Variants in LCORL observed in about 807,000 individuals in gnomAD.
LCORL encodes ligand-dependent nuclear receptor corepressor-like protein.
A neutral mutation model predicts 141.8 loss-of-function variants in LCORL; 41 were observed. That is an observed-to-expected ratio of 0.29 (90% confidence interval 0.23 to 0.38). The LOEUF is 0.38. Among genes scored for constraint, LCORL ranks in the 10% least tolerant of loss-of-function variants. The pLI is 1.00. For missense variants in LCORL, 1,759 were observed against 2,035.0 expected, an observed-to-expected ratio of 0.86 and a Z score of 2.61; for synonymous variants, 618 against 694.1, an observed-to-expected ratio of 0.89 and a Z score of 1.72.
intron 1 of LCORL, among the ~76,000 whole-genome samples, chr4:17,989,911 G>A (rs1433784190): frequency 6.6e-6 from 1 of 152,032 alleles, no homozygotes; most frequent in African/African-American, 2.4e-5. Context: ...AATTCAGTTT[G>A]GTGTGGTTGC....
intron 1 of LCORL, among the ~76,000 whole-genome samples, chr4:17,973,723 G>A (rs970774143): frequency 6.6e-6 from 1 of 151,554 alleles, no homozygotes; most frequent in African/African-American, 2.4e-5. Context: ...TTTTCTCAGT[G>A]GTATTCCTAA....
At chr4:18,015,913 T>G (rs888716205) in intron 1 of LCORL, among the ~76,000 whole-genome samples, 1 of 151,572 alleles carries the variant, frequency 6.6e-6, no homozygotes, top group Non-Finnish European at 1.5e-5. Flanking sequence ...AGTTACCACA[T>G]AGCCAAAAGA....
intron 4 of LCORL, among the ~76,000 whole-genome samples, chr4:17,938,752 C>T (rs1410886557): frequency 3.3e-5 from 5 of 152,110 alleles, no homozygotes; most frequent in Admixed American, 3.3e-4. Flanking sequence ...ATACAAAATA[C>T]TTAGAAGATA....
Position 17,961,792 on chromosome 4 carries a change from C to CGA in LCORL, c.430+110_430+111insTC, listed in dbSNP as rs543923624. 6.0e-4 allele frequency: 443 copies of CGA among 737,750 alleles called. 2 individuals carry two copies. In the African/African-American group the frequency reaches 7.4e-3, roughly 12 times the overall value. 45.7% of individuals were successfully genotyped at this position (737,750 alleles called of 1,614,324 possible). A position where few individuals can be genotyped will look rare whatever the true frequency, so the allele number is the denominator to read the frequency against. The stretch of plus-strand genomic sequence containing the variant: ...TAAAGAAAAATTAAGAATAAAGAAA[C>CGA]AATAAAGAGTGAAGTAGAGAGACTG... On this transcript the variant is annotated intron_variant, in intron 4 of 7. Transcript: ENST00000635767.
At position 17,880,785 on chromosome 4, in the gene LCORL, CAG is replaced by C. The variant is rs1405967593; in HGVS notation, c.777-2574_777-2573del. ...GATATATAACAACACAAAGTAGGAA[CAG>C]AATTACAGTACATTTACAACACAAG... On this transcript the variant is annotated intron_variant, in intron 6 of 7. Coordinates refer to ENST00000635767, the Ensembl canonical transcript of LCORL. The C allele has an allele frequency of 4.3e-6, 4 of 934,146 alleles. No homozygotes were observed. The Admixed American group carries it at 1.9e-4, about 44-fold the overall frequency. The allele number at this position is 934,146 out of a possible 1,614,324, so 57.9% of individuals were successfully genotyped here.
At chr4:17,938,414 T>C (rs1737239921) in intron 4 of LCORL, among the ~76,000 whole-genome samples, 1 of 142,622 alleles carries the variant, frequency 7.0e-6, no homozygotes, top group Non-Finnish European at 1.5e-5. Context: ...TAACTGTTTC[T>C]TTCTTTTTTT....
chr4:17,917,383 G>A (rs914087817), intron 4 of LCORL, among the ~76,000 whole-genome samples: 2 of 152,164 alleles, frequency 1.3e-5, no homozygotes, highest in Non-Finnish European at 2.9e-5. Flanking sequence ...AGTAGAGATG[G>A]GGTTTTGCCA....
At chr4:17,883,198 T>C in intron 6 of LCORL, 1 of 981,140 alleles carries the variant, frequency 1.0e-6, no homozygotes, top group Non-Finnish European at 1.2e-6. Flanking sequence ...CGTGTACTAA[T>C]ACTGTATATA....
intron 4 of LCORL, among the ~76,000 whole-genome samples, chr4:17,954,546 G>GA (rs1439922581): frequency 6.6e-6 from 1 of 151,630 alleles, no homozygotes; most frequent in Non-Finnish European, 1.5e-5. Flanking sequence ...TGAGGCTTTA[G>GA]AAACATCATT....
chr4:17,915,909 T>A (rs981611841), intron 4 of LCORL, among the ~76,000 whole-genome samples: 1 of 152,206 alleles, frequency 6.6e-6, no homozygotes, highest in African/African-American at 2.4e-5. Context: ...AATGTTGAAG[T>A]TGGGGTCTGA....
chr4:17,955,923 C>G lies in LCORL; in HGVS notation c.430+5980G>C, dbSNP rs187282516. On this transcript the variant is annotated intron_variant, in intron 4 of 7. Coordinates refer to ENST00000635767, the Ensembl canonical transcript of LCORL. ...AACAGTGAAAGTGGTGTGGTCTATA[C>G]ATTGAAGGCTGCAATGAGGTGAAAA... is the stretch of plus-strand genomic sequence containing the variant. Among the ~76,000 whole-genome samples, 34 of 152,098 alleles carry G rather than the reference C, an allele frequency of 2.2e-4. No homozygotes were observed. The East Asian group carries it at 2.9e-3, about 13-fold the overall frequency.
At chr4:17,863,028 C>T (rs1725183164) in intron 7 of LCORL, among the ~76,000 whole-genome samples, 1 of 152,064 alleles carries the variant, frequency 6.6e-6, no homozygotes, top group Non-Finnish European at 1.5e-5. Context: ...AAAAAGTGGG[C>T]AAAGGGGTCG....
intron 1 of LCORL, among the ~76,000 whole-genome samples, chr4:18,007,205 G>GT (rs1298071908): frequency 6.6e-6 from 1 of 152,088 alleles, no homozygotes; most frequent in Non-Finnish European, 1.5e-5. Context: ...CACCTCTAGT[G>GT]TAAGTGAGTT....
At chr4:17,996,960 C>G (rs1721013107) in intron 1 of LCORL, among the ~76,000 whole-genome samples, 1 of 152,068 alleles carries the variant, frequency 6.6e-6, no homozygotes, top group South Asian at 2.1e-4. Context: ...TAACTCCTGC[C>G]TTTTCTCCAA....
chr4:17,954,934 A>C (rs1311557931), intron 4 of LCORL, among the ~76,000 whole-genome samples: 2 of 152,194 alleles, frequency 1.3e-5, no homozygotes, highest in Non-Finnish European at 2.9e-5. Context: ...AAGAATTATC[A>C]ACTAGGCAGT....
intron 6 of LCORL, chr4:17,882,756 T>G (rs1225006710): frequency 1.0e-6 from 1 of 984,054 alleles, no homozygotes; most frequent in African/African-American, 1.8e-5. Context: ...ATAGTAGGAG[T>G]GTGTCACAAT....
At chr4:17,952,015 C>G (rs1739800884) in intron 4 of LCORL, among the ~76,000 whole-genome samples, 1 of 152,126 alleles carries the variant, frequency 6.6e-6, no homozygotes, top group African/African-American at 2.4e-5. Context: ...ATTAAAAAGC[C>G]TTATTTAAGA....
chr4:17,935,337 C>T (rs1019198466), intron 4 of LCORL, among the ~76,000 whole-genome samples: 2 of 151,952 alleles, frequency 1.3e-5, no homozygotes, highest in African/African-American at 4.8e-5. Context: ...CATATATTTC[C>T]ATGAAAAAAA....
chr4:17,943,480 C>A (rs188500278), intron 4 of LCORL, among the ~76,000 whole-genome samples: 3 of 152,314 alleles, frequency 2.0e-5, no homozygotes, highest in Admixed American at 2.0e-4. Flanking sequence ...CTAACACTCG[C>A]TGAAAGGAAT....
Sources: gnomAD v4.1 joint callset for allele counts (sites outside exome capture counted in the v4.1 genomes callset) on GRCh38, gnomAD v4.1.1 for gene constraint, MANE v1.5 for transcripts, NCBI Gene and HGNC (gene_info 2026-07-23, HGNC 2026-07-21) for gene names.